Variants in CCDC6 observed in about 807,000 individuals in gnomAD.
The protein encoded by CCDC6 is coiled-coil domain-containing protein 6.
A neutral mutation model predicts 56.6 loss-of-function variants in CCDC6; 20 were observed. The observed-to-expected ratio is 0.35, with a 90% CI of 0.25 to 0.51. The LOEUF (loss-of-function observed/expected upper bound fraction) is 0.51. Among genes scored for constraint, CCDC6 ranks in the 20% least tolerant of loss-of-function variants. The probability of loss-of-function intolerance (pLI) is 0.95; values close to 1 mark genes in which losing one functional copy is unlikely to be tolerated. For missense variants in CCDC6, 367 were observed against 601.1 expected (o/e 0.61, Z 4.07); for synonymous variants, 241 against 234.4 (o/e 1.03, Z -0.26).
chr10:59,794,714 G>A, intron 7 of CCDC6, 117 bp from the exon 8 acceptor site: 2 of 780,762 alleles, frequency 2.6e-6, no homozygotes, highest in Non-Finnish European at 2.1e-6. Context: ...ACAAACAGAT[G>A]AAAAGAATGA....
chr10:59,869,814 G>A (rs1008212508), intron 1 of CCDC6, among the ~76,000 whole-genome samples: 2 of 152,020 alleles, frequency 1.3e-5, no homozygotes, highest in South Asian at 2.1e-4. Flanking sequence ...CGGCCCTCCC[G>A]TGGTCCAGCC....
intron 3 of CCDC6, among the ~76,000 whole-genome samples, chr10:59,825,611 G>C (rs571805230): frequency 6.6e-6 from 1 of 152,164 alleles, no homozygotes; most frequent in Non-Finnish European, 1.5e-5. Context: ...AGGACACAAA[G>C]ATTATCTGTA....
intron 1 of CCDC6, among the ~76,000 whole-genome samples, chr10:59,874,561 C>T (rs754819118): frequency 5.3e-5 from 8 of 152,192 alleles, no homozygotes; most frequent in Non-Finnish European, 1.0e-4. Flanking sequence ...AAGCTGTCTA[C>T]ATTTGAATCC....
intron 3 of CCDC6, among the ~76,000 whole-genome samples, chr10:59,816,589 C>A (rs932594468): frequency 1.3e-5 from 2 of 152,162 alleles, no homozygotes; most frequent in Admixed American, 6.5e-5. Flanking sequence ...AAGTAAGGGA[C>A]AAAAATAATG....
chr10:59,885,060 T>TAGC (rs1554887586), intron 1 of CCDC6, among the ~76,000 whole-genome samples: 1 of 148,106 alleles, frequency 6.8e-6, no homozygotes, highest in Non-Finnish European at 1.5e-5. Flanking sequence ...CGAGACTCCG[T>TAGC]AACAACAACA....
At chr10:59,841,471 T>G (rs577646805) in intron 2 of CCDC6, among the ~76,000 whole-genome samples, 1 of 152,336 alleles carries the variant, frequency 6.6e-6, no homozygotes, top group Admixed American at 6.5e-5. Context: ...ATTTTTCATA[T>G]GAGAAAACAG....
At chr10:59,841,676 T>G (rs1404798949) in intron 2 of CCDC6, among the ~76,000 whole-genome samples, 3 of 140,604 alleles carry the variant, frequency 2.1e-5, no homozygotes, top group African/African-American at 5.4e-5. Flanking sequence ...TTTTTGTTTG[T>G]TTTTTTTTTT....
chr10:59,906,077 G>T (rs1474492291), intron 1 of CCDC6, 45 bp downstream of exon 1: 2 of 1,496,822 alleles, frequency 1.3e-6, no homozygotes, highest in East Asian at 4.8e-5. Flanking sequence ...CCCTCCCGGG[G>T]CGGGCGGAGG....
chr10:59,906,311 C>CCCGCCGCCACCG lies in CCDC6; in HGVS notation c.102_113dup (p.Gly41_Gly44dup), dbSNP rs1554888799. On this transcript the variant is annotated inframe_insertion, in exon 1 of 9. Transcript: ENST00000263102. ...CCGACTTCCCACCGCCGCCGCCTCC[C>CCCGCCGCCACCG]CCGCCGCCACCGCCGCCGCCCGAGG... The CCCGCCGCCACCG allele has an allele frequency of 1.3e-5, 21 of 1,601,022 alleles. No individual in the cohort carries two copies. Among genetic ancestry groups the CCCGCCGCCACCG allele is most frequent in the Non-Finnish European group, 1.7e-5 (20 of 1,178,578 alleles).
intron 2 of CCDC6, among the ~76,000 whole-genome samples, chr10:59,839,517 T>C (rs182588245): frequency 5.3e-5 from 8 of 152,290 alleles, no homozygotes; most frequent in Admixed American, 2.6e-4. Flanking sequence ...CCATATATCA[T>C]GGTCTGCCCC....
At chr10:59,884,787 G>A (rs1006159552) in intron 1 of CCDC6, among the ~76,000 whole-genome samples, 2 of 152,196 alleles carry the variant, frequency 1.3e-5, no homozygotes, top group South Asian at 2.1e-4. Flanking sequence ...AAGGTGGCCC[G>A]GTGCAGTGGG....
intron 5 of CCDC6, among the ~76,000 whole-genome samples, chr10:59,807,363 T>C (rs1409677281): frequency 6.6e-6 from 1 of 152,098 alleles, no homozygotes; most frequent in Non-Finnish European, 1.5e-5. Context: ...CAGGCACCTG[T>C]AATCCCAGCT....
At position 59,861,361 on chromosome 10, in the gene CCDC6, A is replaced by G. The variant is rs926105991; in HGVS notation, c.304-8659T>C. 2.0e-4 allele frequency among the ~76,000 whole-genome samples: 31 copies of G among 151,698 alleles called. No homozygotes were observed. The East Asian group carries it at 3.3e-3, about 16-fold the overall frequency. On this transcript the variant is annotated intron_variant, in intron 1 of 8. Coordinates refer to ENST00000263102, the MANE Select transcript of CCDC6 (RefSeq NM_005436.5). ...GCAACGGAGTAAGACTTCATCTCAG[A>G]AAACAAAATAATTTACCTTGGTCTC...
chr10:59,842,983 G>A (rs1442357784), intron 2 of CCDC6, among the ~76,000 whole-genome samples: 1 of 151,826 alleles, frequency 6.6e-6, no homozygotes, highest in African/African-American at 2.4e-5. Context: ...TCGATCTCCC[G>A]ACTTCGTGAT....
At chr10:59,881,953 C>T (rs1298188216) in intron 1 of CCDC6, among the ~76,000 whole-genome samples, 6 of 150,260 alleles carry the variant, frequency 4.0e-5, no homozygotes, top group Admixed American at 6.7e-5. Flanking sequence ...GATGGTTGGG[C>T]AAAAGGGAAC....
At chr10:59,905,013 T>C (rs2071532070) in intron 1 of CCDC6, among the ~76,000 whole-genome samples, 2 of 152,214 alleles carry the variant, frequency 1.3e-5, no homozygotes, top group Admixed American at 1.3e-4. Flanking sequence ...CCTAATCCGC[T>C]ATTTTGCAGC....
intron 7 of CCDC6, 89 bp downstream of exon 7, chr10:59,804,329 GAT>G (rs2070601916): frequency 3.9e-6 from 3 of 772,068 alleles, no homozygotes; most frequent in Non-Finnish European, 6.9e-6. Context: ...CTGTTTCCAA[GAT>G]TTTTATACAC....
At chr10:59,810,854 G>C (rs890673330) in intron 5 of CCDC6, among the ~76,000 whole-genome samples, 3 of 152,094 alleles carry the variant, frequency 2.0e-5, no homozygotes, top group African/African-American at 7.2e-5. Flanking sequence ...TTAAGTTAAG[G>C]GGCTTGAGAT....
At chr10:59,795,709 G>A (rs1404908979) in intron 7 of CCDC6, among the ~76,000 whole-genome samples, 2 of 143,254 alleles carry the variant, frequency 1.4e-5, no homozygotes, top group African/African-American at 5.2e-5. Context: ...TCCCACCTAT[G>A]AGTCAGAACA....
Sources: allele counts gnomAD v4.1 joint callset (sites outside exome capture counted in the v4.1 genomes callset), GRCh38; gene constraint gnomAD v4.1.1; transcripts MANE v1.5; gene names NCBI Gene and HGNC (gene_info 2026-07-23, HGNC 2026-07-21).